The following DPY19L3 variants were observed in gnomAD, a reference collection of about 807,000 sequenced individuals.
The protein encoded by DPY19L3 is dpy-19 like C-mannosyltransferase 3, also known as protein C-mannosyl-transferase DPY19L3.
In DPY19L3, 51 loss-of-function variants were observed where a neutral mutation model predicts 92.3. The observed-to-expected ratio is 0.55, with a 90% CI of 0.44 to 0.70. DPY19L3 has a LOEUF of 0.70. DPY19L3 is among the 30% of genes least tolerant of loss of function. The pLI, the probability that DPY19L3 is intolerant of heterozygous loss-of-function variation, is 0.00. For missense variants in DPY19L3, 706 were observed against 855.9 expected (o/e 0.82, Z 2.18); for synonymous variants, 309 against 315.2 (o/e 0.98, Z 0.21).
intron 6 of DPY19L3, among the ~76,000 whole-genome samples, chr19:32,437,927 G>T (rs1156358110): frequency 2.6e-5 from 4 of 151,890 alleles, no homozygotes; most frequent in Non-Finnish European, 4.4e-5. Flanking sequence ...TCCCACCTTG[G>T]CCTCCCAAAG....
chr19:32,456,121 A>C (rs1181551192), intron 10 of DPY19L3, among the ~76,000 whole-genome samples: 2 of 127,382 alleles, frequency 1.6e-5, no homozygotes, highest in African/African-American at 6.1e-5. Context: ...TCTCACCCAG[A>C]CTGGAATGCA....
At chr19:32,479,723 GTT>G (rs1356993145) in intron 17 of DPY19L3, 1 of 336,584 alleles carries the variant, frequency 3.0e-6, no homozygotes, top group African/African-American at 2.2e-5. Flanking sequence ...GGGACGCTCA[GTT>G]TGCATCCATC....
At chr19:32,435,254 C>G (rs1040175002) in intron 4 of DPY19L3, among the ~76,000 whole-genome samples, 2 of 152,184 alleles carry the variant, frequency 1.3e-5, no homozygotes, top group Non-Finnish European at 2.9e-5. Flanking sequence ...CTCACTTACC[C>G]TTTATTACCT....
Position 32,463,914 on chromosome 19 carries a change from C to T in DPY19L3, c.1491C>T (p.Phe497=), listed in dbSNP as rs781782639. 5.0e-6 allele frequency: 8 copies of T among 1,613,576 alleles called. No homozygotes were observed. Among genetic ancestry groups the T allele is most frequent in the Non-Finnish European group, 6.8e-6 (8 of 1,179,720 alleles). The change falls in exon 14 of 19, where the codon TTC becomes TTT. Residue 497 remains phenylalanine (F), a synonymous_variant. Coordinates refer to ENST00000392250, the MANE Select transcript of DPY19L3 (RefSeq NM_001172774.2). ...WTSHMCVFAS[F]GLCSPEIWEL... ...CACACATGTGTGTGTTCGCATCATT[C>T]GGCCTATGTAGCCCTGAAATATGGG...
chr19:32,451,777 T>A (rs1969707839), intron 8 of DPY19L3, among the ~76,000 whole-genome samples: 1 of 152,172 alleles, frequency 6.6e-6, no homozygotes, highest in Non-Finnish European at 1.5e-5. Flanking sequence ...TAAGTTTCAT[T>A]ACATCAAGAG....
chr19:32,468,154 A>T, intron 15 of DPY19L3: 1 of 941,180 alleles, frequency 1.1e-6, no homozygotes, highest in Non-Finnish European at 1.3e-6. Flanking sequence ...GTCAAGTCAG[A>T]TACCTCTCTG....
intron 3 of DPY19L3, among the ~76,000 whole-genome samples, chr19:32,422,994 T>A (rs1351011223): frequency 6.6e-6 from 1 of 152,182 alleles, no homozygotes; most frequent in Non-Finnish European, 1.5e-5. Context: ...CCATTGCATA[T>A]AAAGATGGCA....
intron 8 of DPY19L3, among the ~76,000 whole-genome samples, chr19:32,441,523 A>T: frequency 7.3e-6 from 1 of 136,524 alleles, no homozygotes. Flanking sequence ...TTTGAGATGG[A>T]GTCTCACTCT....
intron 3 of DPY19L3, 124 bp downstream of exon 3, chr19:32,411,496 C>G (rs1377360077): frequency 1.1e-6 from 1 of 890,310 alleles, no homozygotes; most frequent in Non-Finnish European, 1.7e-6. Flanking sequence ...AAAGGTTGGA[C>G]TATAGAGTGA....
intron 3 of DPY19L3, among the ~76,000 whole-genome samples, chr19:32,414,649 C>T (rs556874356): frequency 1.9e-4 from 28 of 151,300 alleles, no homozygotes; most frequent in African/African-American, 6.5e-4. Flanking sequence ...CCATGTAGTG[C>T]GTATATATTA....
At chr19:32,472,157 A>G (rs914700663) in intron 16 of DPY19L3, among the ~76,000 whole-genome samples, 2 of 152,160 alleles carry the variant, frequency 1.3e-5, no homozygotes, top group African/African-American at 4.8e-5. Flanking sequence ...TTTTTTTAGA[A>G]TTCTAATTTT....
chr19:32,452,976 AG>A (rs1969752564), intron 8 of DPY19L3, among the ~76,000 whole-genome samples, 168 bp from the exon 9 acceptor site: 2 of 151,202 alleles, frequency 1.3e-5, no homozygotes, highest in Admixed American at 6.6e-5. Flanking sequence ...CAGAGTGCTG[AG>A]ATTACAGATG....
chr19:32,426,990 C>T (rs892490050), intron 3 of DPY19L3, among the ~76,000 whole-genome samples: 6 of 151,962 alleles, frequency 3.9e-5, no homozygotes, highest in African/African-American at 1.4e-4. Context: ...TTTGGTGTTT[C>T]GTTGTTTGTT....
At chr19:32,437,092 A>G (rs2145492249) in intron 5 of DPY19L3, 102 bp from the exon 6 acceptor site, 1 of 1,403,884 alleles carries the variant, frequency 7.1e-7, no homozygotes, top group Non-Finnish European at 9.7e-7. Flanking sequence ...TTGGAATTAG[A>G]GGCAAGCTCC....
chr19:32,446,857 G>C lies in DPY19L3; in HGVS notation c.856-6288G>C, dbSNP rs371792912. Among the ~76,000 whole-genome samples the C allele has an allele frequency of 5.9e-5, 9 of 152,168 alleles. No homozygotes were observed. The East Asian group carries it at 1.2e-3, about 20-fold the overall frequency. On this transcript the variant is annotated intron_variant, in intron 8 of 18. Coordinates refer to ENST00000392250, the MANE Select transcript of DPY19L3 (RefSeq NM_001172774.2). ...ATAGAACCCAACAACACCTTCAACC[G>C]ACAGAATCTAATGATCATTTATAGA...
At chr19:32,455,334 T>TA (rs1262631436) in intron 10 of DPY19L3, among the ~76,000 whole-genome samples, 4 of 152,242 alleles carry the variant, frequency 2.6e-5, no homozygotes, top group African/African-American at 9.6e-5. Context: ...TTACCAGTTT[T>TA]ACTTCAAACA....
intron 12 of DPY19L3, among the ~76,000 whole-genome samples, chr19:32,461,040 A>G (rs1970025235): frequency 6.6e-6 from 1 of 151,934 alleles, no homozygotes. Context: ...TAATTTTTGT[A>G]TTTTTAGTAG....
chr19:32,465,700 G>T (rs947860220), intron 15 of DPY19L3, among the ~76,000 whole-genome samples: 3 of 151,896 alleles, frequency 2.0e-5, no homozygotes, highest in Admixed American at 6.5e-5. Flanking sequence ...AAAGGTTTCA[G>T]GCTAAAGAAA....
intron 2 of DPY19L3, 72 bp from the exon 3 acceptor site, chr19:32,411,167 A>G: frequency 1.3e-6 from 2 of 1,487,146 alleles, no homozygotes; most frequent in Non-Finnish European, 1.8e-6. Context: ...TTACTTGATA[A>G]TCTGAAGTAG....
Sources: gnomAD v4.1 joint callset for allele counts (sites outside exome capture counted in the v4.1 genomes callset) on GRCh38, gnomAD v4.1.1 for gene constraint, MANE v1.5 for transcripts, NCBI Gene and HGNC (gene_info 2026-07-23, HGNC 2026-07-21) for gene names.